ASCC3: variants seen among roughly 807,000 people sequenced by gnomAD.
ASCC3 encodes ASC-1 complex subunit P200.
A neutral mutation model predicts 256.3 loss-of-function variants in ASCC3; 158 were observed. That is an observed-to-expected ratio of 0.62 (90% CI 0.54 to 0.70). ASCC3 has a LOEUF of 0.70. ASCC3 is among the 30% of genes least tolerant of loss of function. ASCC3 has a pLI of 0.00. For missense variants in ASCC3, 2,259 were observed against 2,626.0 expected (o/e 0.86, Z 3.05); for synonymous variants, 948 against 883.4 (o/e 1.07, Z -1.30).
chr6:100,515,169 T>G (rs1773961539), intron 39 of ASCC3, among the ~76,000 whole-genome samples: 2 of 152,220 alleles, frequency 1.3e-5, no homozygotes, highest in Admixed American at 6.5e-5. Flanking sequence ...GTATGTTATG[T>G]TGGAAATCTG....
At chr6:100,726,616 G>T (rs1303781513) in intron 10 of ASCC3, among the ~76,000 whole-genome samples, 3 of 151,938 alleles carry the variant, frequency 2.0e-5, no homozygotes, top group Non-Finnish European at 2.9e-5. Context: ...TGCTCAACCT[G>T]TACCACCAAA....
chr6:100,658,357 C>A (rs1349342753), intron 16 of ASCC3, among the ~76,000 whole-genome samples: 2 of 151,248 alleles, frequency 1.3e-5, no homozygotes, highest in Admixed American at 1.3e-4. Flanking sequence ...AAGGTTATCT[C>A]AATTGTTTAT....
intron 16 of ASCC3, among the ~76,000 whole-genome samples, chr6:100,657,275 T>C (rs1378486622): frequency 6.6e-6 from 1 of 151,422 alleles, no homozygotes; most frequent in Non-Finnish European, 1.5e-5. Context: ...TGTAGGTAAA[T>C]ATATATACTC....
chr6:100,606,334 A>C (rs1772886983), intron 32 of ASCC3, among the ~76,000 whole-genome samples: 1 of 152,096 alleles, frequency 6.6e-6, no homozygotes, highest in Non-Finnish European at 1.5e-5. Flanking sequence ...TGTAGCAATA[A>C]ACACTTTGGT....
At chr6:100,805,382 A>G (rs1770124026) in intron 5 of ASCC3, among the ~76,000 whole-genome samples, 1 of 152,080 alleles carries the variant, frequency 6.6e-6, no homozygotes, top group South Asian at 2.1e-4. Context: ...GGAGTAGGGA[A>G]AGGGCTAAAA....
At chr6:100,824,300 T>TA (rs1771191680) in intron 4 of ASCC3, among the ~76,000 whole-genome samples, 1 of 152,168 alleles carries the variant, frequency 6.6e-6, no homozygotes, top group African/African-American at 2.4e-5. Flanking sequence ...AAATAAAACT[T>TA]ACAAAAGTTT....
intron 24 of ASCC3, among the ~76,000 whole-genome samples, chr6:100,641,084 ATTAGT>A (rs1264964829): frequency 1.3e-5 from 2 of 152,180 alleles, no homozygotes; most frequent in African/African-American, 4.8e-5. Flanking sequence ...TAATTAACAG[ATTAGT>A]TTAGGATTTT....
intron 36 of ASCC3, among the ~76,000 whole-genome samples, chr6:100,581,086 G>T (rs886086737): frequency 5.3e-5 from 8 of 151,888 alleles, no homozygotes; most frequent in African/African-American, 1.9e-4. Context: ...TAGTCCTTTG[G>T]GTATATACCC....
At chr6:100,789,472 G>A (rs949738041) in intron 8 of ASCC3, among the ~76,000 whole-genome samples, 1 of 151,888 alleles carries the variant, frequency 6.6e-6, no homozygotes, top group Non-Finnish European at 1.5e-5. Context: ...ATAGTAATTT[G>A]TACATTTCTT....
chr6:100,796,065 T>C (rs1328123491), intron 8 of ASCC3, among the ~76,000 whole-genome samples: 1 of 152,138 alleles, frequency 6.6e-6, no homozygotes, highest in Non-Finnish European at 1.5e-5. Context: ...CCAGTTATTA[T>C]TAGCCATTAG....
At chr6:100,691,371 T>A (rs1347991331) in intron 13 of ASCC3, among the ~76,000 whole-genome samples, 5 of 152,058 alleles carry the variant, frequency 3.3e-5, no homozygotes, top group Non-Finnish European at 5.9e-5. Flanking sequence ...ATTTTTTCTT[T>A]AATGAAAACA....
chr6:100,531,504 C>G (rs910469805), intron 37 of ASCC3, among the ~76,000 whole-genome samples: 2 of 151,912 alleles, frequency 1.3e-5, no homozygotes, highest in African/African-American at 4.8e-5. Context: ...ATGTTAACAG[C>G]ACTTCCAATA....
At chr6:100,587,206 T>C (rs1003961964) in intron 36 of ASCC3, among the ~76,000 whole-genome samples, 1 of 152,086 alleles carries the variant, frequency 6.6e-6, no homozygotes, top group Non-Finnish European at 1.5e-5. Flanking sequence ...ACTTTCTCCT[T>C]AGTTTAAAAC....
At chr6:100,599,127 G>T (rs1469420200) in intron 34 of ASCC3, among the ~76,000 whole-genome samples, 3 of 152,198 alleles carry the variant, frequency 2.0e-5, no homozygotes. Flanking sequence ...AAATAAAATT[G>T]TAACTTGATA....
rs1582956505 is a variant in ASCC3 at position 100,848,223 on chromosome 6, T to C, written c.726A>G (p.Pro242=). Residue 242 remains proline (P), a synonymous_variant, in exon 4 of 42, where the codon CCA becomes CCG. Coordinates refer to ENST00000369162, the MANE Select transcript of ASCC3 (RefSeq NM_006828.4). ...NSTLKEMTEV[P]RVEDLCCTLY... ...AAGTACAGCAAAGATCTTCTACTCT[T>C]GGCACTTCAGTCATTTCCTTCAAAG... 3 of 1,613,848 alleles carry C rather than the reference T, an allele frequency of 1.9e-6. No homozygotes were observed. The highest frequency in any genetic ancestry group is 2.5e-6 in the Non-Finnish European group (3 of 1,179,954).
At chr6:100,865,403 T>C (rs1419788631) in intron 2 of ASCC3, among the ~76,000 whole-genome samples, 1 of 152,178 alleles carries the variant, frequency 6.6e-6, no homozygotes, top group Non-Finnish European at 1.5e-5. Flanking sequence ...ATATCTCTAA[T>C]ACAGAGTAAC....
At chr6:100,572,147 T>C (rs895564837) in intron 36 of ASCC3, among the ~76,000 whole-genome samples, 6 of 152,158 alleles carry the variant, frequency 3.9e-5, no homozygotes, top group South Asian at 2.1e-4. Context: ...GAACTCCCAG[T>C]GTGATGGTGT....
chr6:100,707,370 T>C (rs1278644696), intron 13 of ASCC3, among the ~76,000 whole-genome samples: 2 of 151,856 alleles, frequency 1.3e-5, no homozygotes, highest in South Asian at 2.1e-4. Flanking sequence ...ACAGATTAGA[T>C]AAACTATAGG....
intron 36 of ASCC3, among the ~76,000 whole-genome samples, chr6:100,552,605 T>C (rs1269414197): frequency 6.6e-6 from 1 of 152,010 alleles, no homozygotes; most frequent in Non-Finnish European, 1.5e-5. Flanking sequence ...ATTAATTAAA[T>C]GCTCACAAAA....
Sources: gnomAD v4.1 joint callset for allele counts (sites outside exome capture counted in the v4.1 genomes callset) on GRCh38, gnomAD v4.1.1 for gene constraint, MANE v1.5 for transcripts, NCBI Gene and HGNC (gene_info 2026-07-23, HGNC 2026-07-21) for gene names.